NKAIN2: variants seen among roughly 807,000 people sequenced by gnomAD.
The protein encoded by NKAIN2 is sodium/potassium-transporting ATPase subunit beta-1-interacting protein 2.
In NKAIN2, 14 loss-of-function variants were observed where a neutral mutation model predicts 32.6. The observed-to-expected ratio is 0.43, with a 90% CI of 0.28 to 0.67. NKAIN2 has a LOEUF of 0.67. NKAIN2 is among the 30% of genes least tolerant of loss of function. NKAIN2 has a pLI of 0.17. For synonymous variants in NKAIN2, 80 were observed against 87.2 expected, an observed-to-expected ratio of 0.92 and a Z score of 0.46; for missense variants, 198 against 258.3, an observed-to-expected ratio of 0.77 and a Z score of 1.60.
At chr6:124,707,050 C>T (rs904584254) in intron 4 of NKAIN2, among the ~76,000 whole-genome samples, 5 of 143,844 alleles carry the variant, frequency 3.5e-5, no homozygotes, top group African/African-American at 1.3e-4. Flanking sequence ...TCCATGTGAT[C>T]TCATTGTTCA....
chr6:124,028,901 A>AGTT (rs1781271997), intron 1 of NKAIN2, among the ~76,000 whole-genome samples: 1 of 82,108 alleles, frequency 1.2e-5, no homozygotes, highest in African/African-American at 1.0e-4. Flanking sequence ...ATATATATAT[A>AGTT]TACACATATA....
At chr6:124,256,567 C>T (rs1042527873) in intron 1 of NKAIN2, among the ~76,000 whole-genome samples, 5 of 152,090 alleles carry the variant, frequency 3.3e-5, no homozygotes, top group African/African-American at 1.2e-4. Flanking sequence ...ATTTCTTTTT[C>T]AGTAGTTTAG....
chr6:124,262,180 G>A (rs983427943), intron 1 of NKAIN2, among the ~76,000 whole-genome samples: 1 of 152,106 alleles, frequency 6.6e-6, no homozygotes, highest in Admixed American at 6.5e-5. Flanking sequence ...CTTTCTTATG[G>A]AAGGCAAATA....
intron 1 of NKAIN2, among the ~76,000 whole-genome samples, chr6:124,076,278 G>A (rs538810237): frequency 2.0e-5 from 3 of 152,258 alleles, no homozygotes; most frequent in South Asian, 4.1e-4. Flanking sequence ...AAAAAGTTGA[G>A]GCAGGATGTC....
chr6:124,089,568 T>A (rs1784334890), intron 1 of NKAIN2, among the ~76,000 whole-genome samples: 1 of 151,932 alleles, frequency 6.6e-6, no homozygotes, highest in African/African-American at 2.4e-5. Context: ...TTTCTCTTTG[T>A]ATAATTCATT....
chr6:124,370,319 T>C (rs535080078), intron 3 of NKAIN2, among the ~76,000 whole-genome samples: 1 of 152,146 alleles, frequency 6.6e-6, no homozygotes, highest in South Asian at 2.1e-4. Context: ...TCCGCCTCTT[T>C]ATAGGTTATA....
At chr6:124,644,507 C>T (rs1029243666) in intron 3 of NKAIN2, among the ~76,000 whole-genome samples, 15 of 151,824 alleles carry the variant, frequency 9.9e-5, no homozygotes, top group Non-Finnish European at 1.8e-4. Flanking sequence ...CGGGTTCAAG[C>T]GATTCTCCTG....
At chr6:124,340,914 T>C (rs1325501856) in intron 2 of NKAIN2, among the ~76,000 whole-genome samples, 1 of 152,172 alleles carries the variant, frequency 6.6e-6, no homozygotes, top group African/African-American at 2.4e-5. Context: ...GTTTTCATGC[T>C]GAATGAGTAT....
At chr6:123,832,139 C>T (rs557171040) in intron 1 of NKAIN2, among the ~76,000 whole-genome samples, 7 of 152,272 alleles carry the variant, frequency 4.6e-5, no homozygotes, top group East Asian at 1.9e-4. Flanking sequence ...TTCATCTCTG[C>T]GCCCCAGCCA....
At chr6:123,980,448 G>A (rs1178794248) in intron 1 of NKAIN2, among the ~76,000 whole-genome samples, 2 of 152,160 alleles carry the variant, frequency 1.3e-5, no homozygotes, top group Non-Finnish European at 2.9e-5. Context: ...ACTAATGGCT[G>A]GGACACAGGG....
At chr6:124,348,502 T>C (rs1798552048) in intron 2 of NKAIN2, among the ~76,000 whole-genome samples, 1 of 152,234 alleles carries the variant, frequency 6.6e-6, no homozygotes, top group Non-Finnish European at 1.5e-5. Flanking sequence ...TTGAGCTTCC[T>C]GGCTGCTTTG....
intron 3 of NKAIN2, among the ~76,000 whole-genome samples, chr6:124,510,893 T>A (rs1294238755): frequency 6.6e-6 from 1 of 152,228 alleles, no homozygotes; most frequent in East Asian, 1.9e-4. Context: ...TTTTCTAACA[T>A]TACCTACCTA....
chr6:124,747,568 A>T (rs986726215), intron 4 of NKAIN2, among the ~76,000 whole-genome samples: 12 of 151,922 alleles, frequency 7.9e-5, no homozygotes, highest in Non-Finnish European at 5.9e-5. Context: ...CAGGAAAATT[A>T]GCACAAGCTC....
chr6:124,155,136 T>A (rs1787918661), intron 1 of NKAIN2, among the ~76,000 whole-genome samples: 1 of 152,118 alleles, frequency 6.6e-6, no homozygotes, highest in African/African-American at 2.4e-5. Context: ...TCTTTTTTTA[T>A]TAATTCTAGT....
intron 2 of NKAIN2, among the ~76,000 whole-genome samples, chr6:124,350,656 C>G (rs1267172084): frequency 6.6e-6 from 1 of 152,176 alleles, no homozygotes; most frequent in East Asian, 1.9e-4. Flanking sequence ...CATTGTGAGA[C>G]TAACTGGATT....
chr6:123,913,549 A>C (rs1775330134), intron 1 of NKAIN2, among the ~76,000 whole-genome samples: 1 of 152,180 alleles, frequency 6.6e-6, no homozygotes, highest in Non-Finnish European at 1.5e-5. Context: ...ACCTAGATGT[A>C]TTGTGTAGGC....
intron 2 of NKAIN2, among the ~76,000 whole-genome samples, chr6:124,352,884 C>A (rs997158953): frequency 4.6e-5 from 7 of 152,156 alleles, no homozygotes; most frequent in Non-Finnish European, 8.8e-5. Context: ...TTCTCAAATT[C>A]CATATTTTGT....
chr6:124,604,710 G>A (rs1782433884), intron 3 of NKAIN2, among the ~76,000 whole-genome samples: 1 of 151,918 alleles, frequency 6.6e-6, no homozygotes, highest in South Asian at 2.1e-4. Flanking sequence ...TACTTCTCTA[G>A]CATTTTACCT....
intron 3 of NKAIN2, among the ~76,000 whole-genome samples, chr6:124,637,220 A>G (rs755122649): frequency 6.6e-6 from 1 of 152,120 alleles, no homozygotes; most frequent in Non-Finnish European, 1.5e-5. Flanking sequence ...TCAACAAATT[A>G]GGTATAAAAG....
Sources: allele counts gnomAD v4.1 joint callset (sites outside exome capture counted in the v4.1 genomes callset), GRCh38; gene constraint gnomAD v4.1.1; transcripts MANE v1.5; gene names NCBI Gene and HGNC (gene_info 2026-07-23, HGNC 2026-07-21).